LPIN1: variants seen among roughly 807,000 people sequenced by gnomAD.
The protein encoded by LPIN1 is phosphatidate phosphatase LPIN1.
LPIN1 carries 71 observed loss-of-function variants against 107.5 expected under a neutral mutation model. That is an observed-to-expected ratio of 0.66 (90% CI 0.55 to 0.80). LPIN1 has a LOEUF of 0.80. Ranked by LOEUF, LPIN1 falls within the 30% of genes least tolerant of loss-of-function variation. LPIN1 has a pLI of 0.00. For synonymous variants in LPIN1, 445 were observed against 452.6 expected, an observed-to-expected ratio of 0.98 and a Z score of 0.21; for missense variants, 1,043 against 1,160.6, an observed-to-expected ratio of 0.90 and a Z score of 1.47.
chr2:11,726,608 C>A (rs370598960), intron 1 of LPIN1, among the ~76,000 whole-genome samples: 16 of 152,178 alleles, frequency 1.1e-4, no homozygotes, highest in African/African-American at 3.4e-4. Context: ...CCTCCTCCCC[C>A]TCCCAAACTC....
intron 3 of LPIN1, among the ~76,000 whole-genome samples, chr2:11,768,764 A>G (rs1014847060): frequency 6.6e-6 from 1 of 152,050 alleles, no homozygotes; most frequent in Non-Finnish European, 1.5e-5. Flanking sequence ...GTGAAACCCC[A>G]TCCCTACTAA....
intron 16 of LPIN1, 61 bp from the exon 17 acceptor site, chr2:11,805,009 A>C (rs1419985778): frequency 2.1e-6 from 2 of 973,486 alleles, no homozygotes; most frequent in African/African-American, 1.6e-5. Context: ...ATGAGGCATG[A>C]ATGGTGCAAT....
upstream of LPIN1, among the ~76,000 whole-genome samples, chr2:11,719,943 C>T (rs981305971): frequency 3.3e-5 from 5 of 152,044 alleles, no homozygotes; most frequent in Admixed American, 6.6e-5. Flanking sequence ...TGAATAGAAA[C>T]GTTGTATGAA....
In LPIN1 at chr2:11,764,091, T is replaced by TAC. The variant is rs1222327944; in HGVS notation, c.-9-1441_-9-1440insCA. On this transcript the variant is annotated intron_variant, in intron 1 of 20. Coordinates refer to ENST00000674199, the MANE Select transcript of LPIN1 (RefSeq NM_001349206.2). ...GTGTGTGTGTGTGTATATATATATA[T>TAC]ATATATATATATACACACACACACA... 3.9e-3 allele frequency: 466 copies of TAC among 119,676 alleles called. 6 individuals carry two copies. The highest frequency in any genetic ancestry group is 0.015 in the African/African-American group (438 of 28,318). The allele number at this position is 119,676 out of a possible 1,614,324, so 7.4% of individuals were successfully genotyped here.
At chr2:11,752,396 G>C (rs1316312319) in intron 1 of LPIN1, among the ~76,000 whole-genome samples, 4 of 139,592 alleles carry the variant, frequency 2.9e-5, no homozygotes, top group African/African-American at 1.1e-4. Flanking sequence ...CTGTCTATAT[G>C]TTTTGTCCAT....
chr2:11,819,511 G>A lies in LPIN1; in HGVS notation c.2430G>A (p.Lys810=), dbSNP rs1276332037. The A allele has an allele frequency of 3.1e-6, 5 of 1,613,330 alleles. No homozygotes were observed. Among genetic ancestry groups the A allele is most frequent in the African/African-American group, 1.3e-5 (1 of 74,928 alleles). ...AAGTGATTGAAAAGAAGCCAGAAAA[G>A]TTTAAAGTCCAGTGTTTGACAGACA... ...HREVIEKKPE[K]FKVQCLTDIK... is the part of the protein sequence containing the mutation. The change falls in exon 19 of 21, where the codon AAG becomes AAA. Residue 810 remains lysine, a synonymous_variant. Coordinates refer to ENST00000674199, the MANE Select transcript of LPIN1 (RefSeq NM_001349206.2).
intron 1 of LPIN1, among the ~76,000 whole-genome samples, chr2:11,733,075 C>T (rs1248860821): frequency 2.0e-5 from 3 of 152,054 alleles, no homozygotes; most frequent in African/African-American, 7.2e-5. Context: ...TTAACAATTC[C>T]ATTCCCACTC....
intron 2 of LPIN1, among the ~76,000 whole-genome samples, chr2:11,715,715 T>C (rs1355663595): frequency 6.6e-6 from 1 of 152,076 alleles, no homozygotes; most frequent in Admixed American, 6.5e-5. Context: ...CTGCAGGGTA[T>C]TGAAAGAGCC....
intron 9 of LPIN1, chr2:11,784,455 A>G: frequency 9.1e-7 from 1 of 1,099,976 alleles, no homozygotes; most frequent in Non-Finnish European, 1.1e-6. Context: ...CCCTCCCTGC[A>G]AAGCCTGAGG....
intron 1 of LPIN1, among the ~76,000 whole-genome samples, chr2:11,748,253 A>G (rs925012196): frequency 1.3e-5 from 2 of 152,196 alleles, no homozygotes; most frequent in South Asian, 4.1e-4. Context: ...CAGCTGCACA[A>G]AGGGCCCAGA....
intron 1 of LPIN1, among the ~76,000 whole-genome samples, chr2:11,737,111 C>A (rs1204719024): frequency 1.3e-5 from 2 of 152,114 alleles, no homozygotes; most frequent in African/African-American, 4.8e-5. Flanking sequence ...CTTTGACAAA[C>A]CTGACAAAAA....
chr2:11,720,170 C>A (rs191956924), upstream of LPIN1, among the ~76,000 whole-genome samples: 7 of 152,186 alleles, frequency 4.6e-5, no homozygotes, highest in Admixed American at 3.3e-4. Context: ...GGCAGTGATA[C>A]CTTTAACACC....
chr2:11,787,044 T>C, intron 10 of LPIN1, 30 bp from the exon 11 acceptor site: 1 of 1,515,768 alleles, frequency 6.6e-7, no homozygotes, highest in South Asian at 1.1e-5. Flanking sequence ...CTTTTTGTTT[T>C]TCCCTGATCC....
At chr2:11,801,370 G>C (rs578245805) in intron 14 of LPIN1, among the ~76,000 whole-genome samples, 50 of 152,220 alleles carry the variant, frequency 3.3e-4, no homozygotes, top group African/African-American at 1.1e-3. Context: ...TCCATCAATG[G>C]ATAAATGAAT....
At chr2:11,746,926 G>A (rs1667038394) in intron 1 of LPIN1, among the ~76,000 whole-genome samples, 1 of 152,216 alleles carries the variant, frequency 6.6e-6, no homozygotes, top group African/African-American at 2.4e-5. Flanking sequence ...CTTTCCTGAC[G>A]CGCCGCGAGG....
chr2:11,765,175 A>G lies in LPIN1; in HGVS notation c.-9-358A>G, dbSNP rs1280242137. 6.6e-6 allele frequency among the ~76,000 whole-genome samples: 1 copy of G among 151,428 alleles called. No homozygotes were observed. The highest frequency in any genetic ancestry group is 1.5e-5 in the Non-Finnish European group (1 of 67,920). ...CCGTGATGGGCCGTAACGGGCCGTG[A>G]TGGACCCTGATGGGCTGTGATGGTC... On this transcript the variant is annotated intron_variant, in intron 1 of 20. Coordinates refer to ENST00000674199, the MANE Select transcript of LPIN1 (RefSeq NM_001349206.2). The surrounding 1 kb of genome is among the most constrained non-coding windows in gnomAD (Gnocchi z 4.4).
chr2:11,764,754 A>C (rs1670510537), intron 1 of LPIN1, among the ~76,000 whole-genome samples: 1 of 152,246 alleles, frequency 6.6e-6, no homozygotes, highest in Non-Finnish European at 1.5e-5. Flanking sequence ...AGCTACTATG[A>C]TTGGCACGAT....
intron 1 of LPIN1, among the ~76,000 whole-genome samples, chr2:11,692,704 T>A (rs948256862): frequency 6.6e-6 from 1 of 152,214 alleles, no homozygotes; most frequent in African/African-American, 2.4e-5. Context: ...GTGTTCCCAG[T>A]TTGTGTCACA....
chr2:11,809,346 C>T (rs575193805), intron 17 of LPIN1, among the ~76,000 whole-genome samples: 27 of 152,204 alleles, frequency 1.8e-4, no homozygotes, highest in African/African-American at 4.3e-4. Context: ...TCGTTAGCTC[C>T]GCTGGGGTCT....
Sources: gnomAD v4.1 joint callset for allele counts (sites outside exome capture counted in the v4.1 genomes callset) on GRCh38, gnomAD v4.1.1 for gene constraint, Gnocchi (gnomAD v3.1) non-coding constraint, MANE v1.5 for transcripts, NCBI Gene and HGNC (gene_info 2026-07-23, HGNC 2026-07-21) for gene names.